Variants in KCNQ5 observed in about 807,000 individuals in gnomAD.
KCNQ5 encodes the protein potassium voltage-gated channel subfamily KQT member 5.
Under a neutral mutation model 98.2 loss-of-function variants are expected in KCNQ5, and 30 were observed. The observed-to-expected ratio is 0.31, with a 90% CI of 0.23 to 0.41. KCNQ5 has a LOEUF of 0.41. Among genes scored for constraint, KCNQ5 ranks in the 10% least tolerant of loss-of-function variants. KCNQ5 has a pLI of 1.00. For synonymous variants in KCNQ5, 458 were observed against 449.4 expected (o/e 1.02, Z -0.24); for missense variants, 835 against 1,182.5 (o/e 0.71, Z 4.31).
intron 1 of KCNQ5, among the ~76,000 whole-genome samples, chr6:72,769,444 G>T (rs1044959152): frequency 2.0e-5 from 3 of 152,070 alleles, no homozygotes; most frequent in Admixed American, 2.0e-4. Flanking sequence ...GAATCATCTG[G>T]TGGAGTTTCT....
intron 1 of KCNQ5, among the ~76,000 whole-genome samples, chr6:72,787,798 C>A (rs867696311): frequency 7.2e-5 from 11 of 152,190 alleles, no homozygotes; most frequent in Non-Finnish European, 1.0e-4. Context: ...TAATCAGCTC[C>A]TCTATTGATT....
At chr6:73,190,986 G>C (rs1292248681) in intron 12 of KCNQ5, among the ~76,000 whole-genome samples, 1 of 152,196 alleles carries the variant, frequency 6.6e-6, no homozygotes, top group African/African-American at 2.4e-5. Context: ...GTTAATGCAT[G>C]TAATTCATAA....
chr6:72,689,679 A>G (rs1426495982), intron 1 of KCNQ5, among the ~76,000 whole-genome samples: 2 of 152,210 alleles, frequency 1.3e-5, no homozygotes, highest in Non-Finnish European at 2.9e-5. Context: ...AATTATTGAT[A>G]CTGTGGTAAA....
chr6:72,662,178 C>G (rs1766564009), intron 1 of KCNQ5, among the ~76,000 whole-genome samples: 1 of 152,014 alleles, frequency 6.6e-6, no homozygotes, highest in African/African-American at 2.4e-5. Flanking sequence ...TATCTTAAAC[C>G]TTATTTTTTG....
At chr6:72,934,935 G>C (rs1407242522) in intron 1 of KCNQ5, among the ~76,000 whole-genome samples, 1 of 151,928 alleles carries the variant, frequency 6.6e-6, no homozygotes, top group African/African-American at 2.4e-5. Flanking sequence ...ACCTCACTCA[G>C]GTACTTACTT....
chr6:73,194,426 T>A (rs1467511177), intron 13 of KCNQ5, 26 bp from the exon 14 acceptor site: 1 of 1,582,984 alleles, frequency 6.3e-7, no homozygotes, highest in East Asian at 2.3e-5. Context: ...ATTATACTCA[T>A]GTGTAACCAT....
intron 10 of KCNQ5, among the ~76,000 whole-genome samples, chr6:73,153,382 A>G (rs1422815730): frequency 6.6e-6 from 1 of 152,044 alleles, no homozygotes. Context: ...AATGAGCAAG[A>G]TTAGCTGTAT....
At chr6:72,627,768 T>C (rs568706999) in intron 1 of KCNQ5, among the ~76,000 whole-genome samples, 1 of 152,318 alleles carries the variant, frequency 6.6e-6, no homozygotes, top group South Asian at 2.1e-4. Context: ...ACTGCACTGC[T>C]CCACCCTGTG....
chr6:72,945,669 G>T (rs888810213), intron 1 of KCNQ5, among the ~76,000 whole-genome samples: 1 of 151,906 alleles, frequency 6.6e-6, no homozygotes, highest in Non-Finnish European at 1.5e-5. Flanking sequence ...TTGACAGGCT[G>T]GTCTCGAACT....
intron 1 of KCNQ5, among the ~76,000 whole-genome samples, chr6:72,737,255 C>T (rs144692081): frequency 3.2e-4 from 49 of 152,278 alleles, no homozygotes; most frequent in African/African-American, 9.6e-4. Flanking sequence ...CCACCAAGCC[C>T]GGTCAGGCTT....
intron 10 of KCNQ5, among the ~76,000 whole-genome samples, chr6:73,162,419 C>G (rs1777650551): frequency 6.6e-6 from 1 of 152,234 alleles, no homozygotes; most frequent in South Asian, 2.1e-4. Context: ...GGATCCCTCA[C>G]AGAGAGCAGG....
chr6:73,063,686 T>TAGATAGAAGATAGATAGATA (rs55995543), intron 3 of KCNQ5, among the ~76,000 whole-genome samples: 1 of 93,242 alleles, frequency 1.1e-5, no homozygotes, highest in Non-Finnish European at 2.3e-5. Context: ...GATAGATAGA[T>TAGATAGAAGATAGATAGATA]GATAGATAGA....
chr6:73,177,957 G>A (rs1778275859), intron 11 of KCNQ5, among the ~76,000 whole-genome samples: 1 of 152,138 alleles, frequency 6.6e-6, no homozygotes, highest in African/African-American at 2.4e-5. Context: ...TGTAGCATGT[G>A]AGATATTAAA....
chr6:72,664,853 C>T (rs1766715574), intron 1 of KCNQ5, among the ~76,000 whole-genome samples: 1 of 152,062 alleles, frequency 6.6e-6, no homozygotes, highest in Non-Finnish European at 1.5e-5. Context: ...AGAAATAGGA[C>T]ATTATTCAAA....
chr6:73,146,626 C>CAAAAAAAAAAAAAAAAAAAAAAAAAAAAA (rs58798764), intron 10 of KCNQ5, among the ~76,000 whole-genome samples: 1 of 28,484 alleles, frequency 3.5e-5, no homozygotes, highest in African/African-American at 9.4e-5. Flanking sequence ...GTCCCTGTCT[C>CAAAAAAAAAAAAAAAAAAAAAAAAAAAAA]AAAAAAAAAA....
chr6:72,999,869 A>G (rs898532708), intron 1 of KCNQ5, among the ~76,000 whole-genome samples: 1 of 152,238 alleles, frequency 6.6e-6, no homozygotes, highest in African/African-American at 2.4e-5. Flanking sequence ...CTGTAAAATG[A>G]GATTTTAAAA....
chr6:72,631,922 TA>T (rs1050748685), intron 1 of KCNQ5, among the ~76,000 whole-genome samples: 11 of 152,196 alleles, frequency 7.2e-5, no homozygotes, highest in African/African-American at 2.7e-4. Flanking sequence ...CGAATAACCC[TA>T]ATAAGTAATA....
At chr6:72,635,415 C>T (rs1223077100) in intron 1 of KCNQ5, among the ~76,000 whole-genome samples, 1 of 152,172 alleles carries the variant, frequency 6.6e-6, no homozygotes, top group Non-Finnish European at 1.5e-5. Flanking sequence ...AGATTCACTA[C>T]AAAATAGCAT....
chr6:72,674,837 T>C (rs1012463509), intron 1 of KCNQ5, among the ~76,000 whole-genome samples: 2 of 152,160 alleles, frequency 1.3e-5, no homozygotes, highest in Non-Finnish European at 1.5e-5. Context: ...CAAATTATCT[T>C]TGATCATCTA....
Sources: allele counts gnomAD v4.1 joint callset (sites outside exome capture counted in the v4.1 genomes callset), GRCh38; gene constraint gnomAD v4.1.1; transcripts MANE v1.5; gene names NCBI Gene and HGNC (gene_info 2026-07-23, HGNC 2026-07-21).